Variants in DOK6 observed in about 807,000 individuals in gnomAD.
DOK6 encodes docking protein 6.
DOK6 carries 22 observed loss-of-function variants against 44.0 expected under a neutral mutation model. The observed-to-expected ratio is 0.50, with a 90% CI of 0.36 to 0.71. The LOEUF is 0.71. Ranked by LOEUF, DOK6 falls within the 30% of genes least tolerant of loss-of-function variation. DOK6 has a pLI of 0.00. For synonymous variants in DOK6, 166 were observed against 145.5 expected (o/e 1.14, Z -1.01); for missense variants, 340 against 416.4 (o/e 0.82, Z 1.60).
At chr18:69,480,323 A>T (rs1363213949) in intron 1 of DOK6, among the ~76,000 whole-genome samples, 3 of 152,098 alleles carry the variant, frequency 2.0e-5, no homozygotes, top group East Asian at 3.8e-4. Flanking sequence ...TGAGATGAAA[A>T]GTTTACCACT....
chr18:69,590,392 G>A (rs1357871999), intron 2 of DOK6, among the ~76,000 whole-genome samples: 1 of 152,110 alleles, frequency 6.6e-6, no homozygotes, highest in Admixed American at 6.5e-5. Flanking sequence ...CATTGGTCTT[G>A]AAGAATGATT....
intron 1 of DOK6, among the ~76,000 whole-genome samples, chr18:69,405,484 G>A (rs1916187789): frequency 6.6e-6 from 1 of 152,108 alleles, no homozygotes; most frequent in African/African-American, 2.4e-5. Context: ...GGAGGCTGAG[G>A]TGCGAGAATT....
chr18:69,639,033 A>T (rs1984878269), intron 3 of DOK6, among the ~76,000 whole-genome samples: 1 of 152,200 alleles, frequency 6.6e-6, no homozygotes, highest in African/African-American at 2.4e-5. Flanking sequence ...GAAATCACAA[A>T]GCTGGTAAAT....
chr18:69,621,126 T>C (rs1984429726), intron 3 of DOK6, among the ~76,000 whole-genome samples: 1 of 152,178 alleles, frequency 6.6e-6, no homozygotes, highest in African/African-American at 2.4e-5. Flanking sequence ...TGTTTCATCC[T>C]GAATTTAGGG....
At chr18:69,510,035 T>C (rs1345997478) in intron 1 of DOK6, among the ~76,000 whole-genome samples, 2 of 152,256 alleles carry the variant, frequency 1.3e-5, no homozygotes, top group African/African-American at 2.4e-5. Context: ...AATGGAAGAA[T>C]GGCAATTAGA....
chr18:69,795,458 G>A (rs1980717040), intron 7 of DOK6, among the ~76,000 whole-genome samples: 4 of 152,098 alleles, frequency 2.6e-5, no homozygotes, highest in Admixed American at 2.6e-4. Flanking sequence ...TTTGAATTAT[G>A]AAACAGTGTG....
chr18:69,547,933 T>C (rs1374179831), intron 1 of DOK6, among the ~76,000 whole-genome samples: 1 of 142,912 alleles, frequency 7.0e-6, no homozygotes, highest in Non-Finnish European at 1.5e-5. Context: ...TAATATATAA[T>C]ATATATATAA....
In DOK6 at chr18:69,757,119, G is replaced by A. The variant is rs1354789355; in HGVS notation, c.739-637G>A. On this transcript the variant is annotated intron_variant, in intron 6 of 7. Transcript: ENST00000382713. ...CAGCAATCCTTAAAATGTATGTTTC[G>A]AATAAACAAACATGCCACAGTTTTA... Among the ~76,000 whole-genome samples the A allele has an allele frequency of 2.0e-5, 3 of 152,064 alleles. No individual in the cohort carries two copies. The East Asian group carries it at 5.8e-4, about 29-fold the overall frequency.
At chr18:69,502,568 T>C (rs936864317) in intron 1 of DOK6, among the ~76,000 whole-genome samples, 3 of 152,146 alleles carry the variant, frequency 2.0e-5, no homozygotes, top group Non-Finnish European at 4.4e-5. Flanking sequence ...ATCTTTAATT[T>C]GTTAGAAACT....
intron 1 of DOK6, among the ~76,000 whole-genome samples, chr18:69,408,877 T>G (rs1374337898): frequency 2.0e-5 from 3 of 152,220 alleles, no homozygotes; most frequent in Admixed American, 2.0e-4. Context: ...TTATGTTCCT[T>G]TATTAAAAAA....
rs988842294 is a variant in DOK6 at position 69,777,727 on chromosome 18, A to T, written c.856+19854A>T. On this transcript the variant is annotated intron_variant, in intron 7 of 7. Transcript: ENST00000382713. ...ACACTTCACAACAAGTATTAGGTCT[A>T]GACAGGACTGTCCCCTTCACTGACA... 2.0e-5 allele frequency among the ~76,000 whole-genome samples: 3 copies of T among 149,334 alleles called. No individual in the cohort carries two copies. The Admixed American group carries it at 2.0e-4, about 10-fold the overall frequency.
At chr18:69,815,744 A>G (rs1278976640) in intron 7 of DOK6, among the ~76,000 whole-genome samples, 3 of 152,158 alleles carry the variant, frequency 2.0e-5, no homozygotes, top group Non-Finnish European at 2.9e-5. Context: ...CTTTTTATCT[A>G]GACAGACCGA....
chr18:69,826,911 C>T (rs1981757692), intron 7 of DOK6, among the ~76,000 whole-genome samples: 1 of 152,122 alleles, frequency 6.6e-6, no homozygotes, highest in South Asian at 2.1e-4. Context: ...TCTCAACTCT[C>T]CTATTGGATG....
At chr18:69,664,902 G>A (rs1197730196) in intron 3 of DOK6, among the ~76,000 whole-genome samples, 1 of 152,196 alleles carries the variant, frequency 6.6e-6, no homozygotes, top group East Asian at 1.9e-4. Flanking sequence ...AATGTGGCCA[G>A]GTGCGATGGC....
At chr18:69,614,889 C>T (rs1035008607) in intron 3 of DOK6, among the ~76,000 whole-genome samples, 11 of 151,750 alleles carry the variant, frequency 7.2e-5, no homozygotes, top group East Asian at 1.9e-4. Context: ...TTACCTTATT[C>T]GGAAATCCTT....
At chr18:69,482,765 A>G (rs1980465092) in intron 1 of DOK6, among the ~76,000 whole-genome samples, 1 of 151,986 alleles carries the variant, frequency 6.6e-6, no homozygotes, top group African/African-American at 2.4e-5. Flanking sequence ...ATAAAATAAG[A>G]AACTATATGA....
At chr18:69,693,727 A>G (rs904553788) in intron 4 of DOK6, among the ~76,000 whole-genome samples, 3 of 152,060 alleles carry the variant, frequency 2.0e-5, no homozygotes, top group Admixed American at 6.5e-5. Context: ...TGCCAGTCTC[A>G]GACTCACAGC....
At chr18:69,561,650 A>T (rs1011706822) in intron 1 of DOK6, among the ~76,000 whole-genome samples, 2 of 152,002 alleles carry the variant, frequency 1.3e-5, no homozygotes, top group Non-Finnish European at 2.9e-5. Context: ...TTTGTTAGGG[A>T]AGGTGCATCT....
intron 2 of DOK6, among the ~76,000 whole-genome samples, chr18:69,581,967 T>C (rs1403663890): frequency 6.6e-6 from 1 of 152,194 alleles, no homozygotes; most frequent in African/African-American, 2.4e-5. Context: ...ACATGCTGCC[T>C]CTTAACAGCA....
Sources: gnomAD v4.1 joint callset for allele counts (sites outside exome capture counted in the v4.1 genomes callset) on GRCh38, gnomAD v4.1.1 for gene constraint, MANE v1.5 for transcripts, NCBI Gene and HGNC (gene_info 2026-07-23, HGNC 2026-07-21) for gene names.